FBXL7: variants seen among roughly 807,000 people sequenced by gnomAD.
The protein encoded by FBXL7 is F-box and leucine rich repeat protein 7.
Under a neutral mutation model 38.3 loss-of-function variants are expected in FBXL7, and 12 were observed. The ratio of observed to expected loss-of-function variants is 0.31; its 90% confidence interval spans 0.20 to 0.51. FBXL7 has a LOEUF of 0.51. FBXL7 is among the 20% of genes least tolerant of loss of function. The probability of loss-of-function intolerance (pLI) is 0.98; values close to 1 mark genes in which losing one functional copy is unlikely to be tolerated. For missense variants in FBXL7, 567 were observed against 676.4 expected (o/e 0.84, Z 1.79); for synonymous variants, 297 against 300.9 (o/e 0.99, Z 0.13).
At chr5:15,679,274 C>T (rs372253844) in intron 2 of FBXL7, among the ~76,000 whole-genome samples, 1 of 152,154 alleles carries the variant, frequency 6.6e-6, no homozygotes, top group Non-Finnish European at 1.5e-5. Flanking sequence ...AAAGACAAGA[C>T]CAAAGAAAAA....
chr5:15,701,675 AAACAATATTC>A (rs1418125800), intron 2 of FBXL7, among the ~76,000 whole-genome samples: 1 of 152,230 alleles, frequency 6.6e-6, no homozygotes, highest in Non-Finnish European at 1.5e-5. Flanking sequence ...TGTAATAGAA[AAACAATATTC>A]ATGCAATAAA....
intron 2 of FBXL7, among the ~76,000 whole-genome samples, chr5:15,786,061 A>C (rs1737124249): frequency 6.6e-6 from 1 of 152,224 alleles, no homozygotes; most frequent in Non-Finnish European, 1.5e-5. Flanking sequence ...AGCAACACAC[A>C]AAAATGGCTT....
intron 2 of FBXL7, among the ~76,000 whole-genome samples, chr5:15,683,720 G>A (rs1367457758): frequency 6.6e-6 from 1 of 152,078 alleles, no homozygotes; most frequent in East Asian, 1.9e-4. Flanking sequence ...TTTAGACCTT[G>A]GAAAATGACC....
At chr5:15,845,533 C>A (rs1389878316) in intron 2 of FBXL7, among the ~76,000 whole-genome samples, 2 of 151,908 alleles carry the variant, frequency 1.3e-5, no homozygotes, top group Non-Finnish European at 2.9e-5. Flanking sequence ...AAATAAATAT[C>A]TGTTAAATAT....
intron 2 of FBXL7, among the ~76,000 whole-genome samples, chr5:15,713,045 AACAC>A (rs1271512994): frequency 6.6e-6 from 1 of 152,206 alleles, no homozygotes; most frequent in East Asian, 1.9e-4. Context: ...GTGGATTCCC[AACAC>A]ATATGTCCTT....
At chr5:15,734,740 A>G (rs1735702549) in intron 2 of FBXL7, among the ~76,000 whole-genome samples, 1 of 152,354 alleles carries the variant, frequency 6.6e-6, no homozygotes, top group Non-Finnish European at 1.5e-5. Flanking sequence ...CAGAAAAGGA[A>G]AGAGCGTTTC....
At chr5:15,578,217 A>C (rs1353883303) in intron 1 of FBXL7, among the ~76,000 whole-genome samples, 1 of 152,254 alleles carries the variant, frequency 6.6e-6, no homozygotes, top group East Asian at 1.9e-4. Context: ...ACTTTCTGCC[A>C]AAAACAATCT....
chr5:15,518,334 G>A (rs774896696), intron 1 of FBXL7, among the ~76,000 whole-genome samples: 23 of 152,146 alleles, frequency 1.5e-4, no homozygotes, highest in Admixed American at 2.6e-4. Context: ...CTCACCAGAA[G>A]TGAAGGTACC....
chr5:15,796,688 G>C (rs1737425195), intron 2 of FBXL7, among the ~76,000 whole-genome samples: 2 of 152,196 alleles, frequency 1.3e-5, no homozygotes, highest in Non-Finnish European at 2.9e-5. Flanking sequence ...AGCATCCAGA[G>C]CTTACAGCAC....
intron 2 of FBXL7, 134 bp from the exon 3 acceptor site, chr5:15,927,756 C>G: frequency 1.3e-6 from 1 of 785,188 alleles, no homozygotes. Flanking sequence ...GCCTGGGCGA[C>G]AAGATCTTAA....
intron 2 of FBXL7, among the ~76,000 whole-genome samples, chr5:15,900,017 A>G (rs1741196761): frequency 6.6e-6 from 1 of 151,932 alleles, no homozygotes. Flanking sequence ...CCTGGTAACC[A>G]CACTATGATC....
At chr5:15,832,554 C>T (rs1330801291) in intron 2 of FBXL7, among the ~76,000 whole-genome samples, 1 of 152,110 alleles carries the variant, frequency 6.6e-6, no homozygotes, top group Non-Finnish European at 1.5e-5. Flanking sequence ...TTGAGTTAAC[C>T]ATCTCGAAAA....
At chr5:15,710,883 G>C (rs901714576) in intron 2 of FBXL7, among the ~76,000 whole-genome samples, 14 of 152,150 alleles carry the variant, frequency 9.2e-5, no homozygotes, top group Non-Finnish European at 1.5e-4. Context: ...TGGTTTGGCT[G>C]TGTCCCCACC....
chr5:15,770,774 C>G (rs1170235620), intron 2 of FBXL7, among the ~76,000 whole-genome samples: 3 of 152,164 alleles, frequency 2.0e-5, no homozygotes, highest in African/African-American at 4.8e-5. Context: ...CACTTCCCCA[C>G]CATCATACAG....
intron 1 of FBXL7, among the ~76,000 whole-genome samples, chr5:15,573,917 A>G (rs922828555): frequency 2.0e-5 from 3 of 152,222 alleles, no homozygotes; most frequent in African/African-American, 7.2e-5. Flanking sequence ...TAATAGCTGG[A>G]AACTTCTGAG....
chr5:15,591,323 G>C (rs1255780092), intron 1 of FBXL7, among the ~76,000 whole-genome samples: 1 of 151,830 alleles, frequency 6.6e-6, no homozygotes, highest in African/African-American at 2.4e-5. Flanking sequence ...CAGCTACTCG[G>C]GAGGCTGAGG....
At chr5:15,520,244 C>T (rs1022909187) in intron 1 of FBXL7, among the ~76,000 whole-genome samples, 2 of 152,140 alleles carry the variant, frequency 1.3e-5, no homozygotes, top group Non-Finnish European at 1.5e-5. Context: ...GTGGCGACCT[C>T]CTGTCTAATC....
intron 3 of FBXL7, among the ~76,000 whole-genome samples, chr5:15,930,142 C>T (rs910595298): frequency 4.6e-5 from 7 of 152,144 alleles, no homozygotes; most frequent in Non-Finnish European, 7.3e-5. Flanking sequence ...GCCATATGTT[C>T]AGTTAGTCAT....
At chr5:15,768,221 C>T (rs1736640052) in intron 2 of FBXL7, among the ~76,000 whole-genome samples, 1 of 152,064 alleles carries the variant, frequency 6.6e-6, no homozygotes, top group Admixed American at 6.6e-5. Context: ...AGGTAGATAC[C>T]TATCATTTGC....
Sources: allele counts gnomAD v4.1 joint callset (sites outside exome capture counted in the v4.1 genomes callset), GRCh38; gene constraint gnomAD v4.1.1; transcripts MANE v1.5; gene names NCBI Gene and HGNC (gene_info 2026-07-23, HGNC 2026-07-21).